The following TMED8 variants were observed in gnomAD, a reference collection of about 807,000 sequenced individuals.
The protein encoded by TMED8 is transmembrane p24 trafficking protein family member 8.
Under a neutral mutation model 32.7 loss-of-function variants are expected in TMED8, and 15 were observed. The ratio of observed to expected loss-of-function variants is 0.46; its 90% CI spans 0.31 to 0.71. The LOEUF (loss-of-function observed/expected upper bound fraction) is 0.71, where lower values mean the gene tolerates loss of function less well. Among genes scored for constraint, TMED8 ranks in the 30% least tolerant of loss-of-function variants. The pLI is 0.06. For synonymous variants in TMED8, 147 were observed against 161.4 expected (o/e 0.91, Z 0.68); for missense variants, 390 against 423.9 (o/e 0.92, Z 0.70).
At chr14:77,373,880 G>A (rs527980467) in intron 1 of TMED8, among the ~76,000 whole-genome samples, 47 of 152,228 alleles carry the variant, frequency 3.1e-4, no homozygotes, top group Non-Finnish European at 5.0e-4. Context: ...TTGTTTAAAA[G>A]AGTCTGGGAC....
At chr14:77,373,040 A>G (rs1400944661) in intron 1 of TMED8, among the ~76,000 whole-genome samples, 1 of 130,912 alleles carries the variant, frequency 7.6e-6, no homozygotes, top group Non-Finnish European at 1.5e-5. Context: ...ATCTCGGCTC[A>G]CTGCAACCTC....
At chr14:77,343,548 C>G in intron 4 of TMED8, 65 bp from the exon 5 acceptor site, 1 of 1,587,414 alleles carries the variant, frequency 6.3e-7, no homozygotes, top group Non-Finnish European at 8.6e-7. Context: ...GGGCATTTTG[C>G]TAAGAGAGGC....
intron 1 of TMED8, among the ~76,000 whole-genome samples, chr14:77,363,666 CATA>C (rs1893488794): frequency 6.6e-6 from 1 of 151,820 alleles, no homozygotes; most frequent in African/African-American, 2.4e-5. Context: ...AAATAATAAT[CATA>C]ATAATAGTAT....
chr14:77,346,231 G>A lies in TMED8; in HGVS notation c.327+118C>T, dbSNP rs567263716. The A allele has an allele frequency of 1.9e-5, 20 of 1,053,770 alleles. No individual in the cohort carries two copies. The East Asian group carries it at 3.1e-4, about 16-fold the overall frequency. The allele number at this position is 1,053,770 out of a possible 1,614,324, so 65.3% of individuals were successfully genotyped here. On this transcript the variant is annotated intron_variant, in intron 3 of 5. Transcript: ENST00000216468. Reference sequence around the variant, plus strand: ...GAAGACCAAGATGCCCTAAATTAGAGGGCAAAGAGAGAATTCCGGGAGCCA... The same window carrying A: ...GAAGACCAAGATGCCCTAAATTAGAAGGCAAAGAGAGAATTCCGGGAGCCA...
At chr14:77,373,691 C>T (rs1404620211) in intron 1 of TMED8, among the ~76,000 whole-genome samples, 2 of 152,186 alleles carry the variant, frequency 1.3e-5, no homozygotes, top group East Asian at 3.9e-4. Flanking sequence ...TCAACAATAC[C>T]TGATATGGCT....
Position 77,340,783 on chromosome 14 carries a change from T to G in TMED8, c.*988A>C, listed in dbSNP as rs1178104778. On this transcript the variant is annotated 3_prime_UTR_variant, in exon 6 of 6. Coordinates refer to ENST00000216468, the MANE Select transcript of TMED8 (RefSeq NM_213601.3). Reference sequence around the variant, plus strand: ...GCTAAATGCAGAAACTTTGGAAACCTGATTGGGTTTCACTGCATTTGATTC... The same window carrying G: ...GCTAAATGCAGAAACTTTGGAAACCGGATTGGGTTTCACTGCATTTGATTC... 6.6e-6 allele frequency: 1 copy of G among 152,194 alleles called. No homozygotes were observed. The highest frequency in any genetic ancestry group is 1.5e-5 in the Non-Finnish European group (1 of 68,028). The allele number at this position is 152,194 out of a possible 1,614,324, so 9.4% of individuals were successfully genotyped here.
chr14:77,347,271 C>G (rs1197872080), intron 2 of TMED8, among the ~76,000 whole-genome samples: 2 of 152,302 alleles, frequency 1.3e-5, no homozygotes, highest in Admixed American at 1.3e-4. Flanking sequence ...AGACTGGGCA[C>G]CAAAACAAAG....
At chr14:77,344,432 C>T (rs1356102075) in intron 3 of TMED8, among the ~76,000 whole-genome samples, 1 of 152,192 alleles carries the variant, frequency 6.6e-6, no homozygotes. Context: ...TACAATTTCA[C>T]CTTAGACCAG....
chr14:77,342,435 A>ATCTTCACCTGGC (rs111887240), intron 5 of TMED8, among the ~76,000 whole-genome samples: 1 of 151,770 alleles, frequency 6.6e-6, no homozygotes, highest in Non-Finnish European at 1.5e-5. Context: ...TGACCCTAGG[A>ATCTTCACCTGGC]TTCCTGAAAA....
At chr14:77,370,691 G>A (rs1270698893) in intron 1 of TMED8, among the ~76,000 whole-genome samples, 3 of 151,756 alleles carry the variant, frequency 2.0e-5, no homozygotes, top group African/African-American at 7.3e-5. Flanking sequence ...AGCAATCAAT[G>A]TTATTTGGTT....
intron 1 of TMED8, among the ~76,000 whole-genome samples, chr14:77,374,536 C>T (rs1222458976): frequency 6.6e-6 from 1 of 152,224 alleles, no homozygotes; most frequent in Non-Finnish European, 1.5e-5. Context: ...CCTGGGGATA[C>T]AAAATCGTAC....
intron 1 of TMED8, among the ~76,000 whole-genome samples, chr14:77,357,724 G>C (rs187821431): frequency 4.6e-5 from 7 of 152,280 alleles, no homozygotes; most frequent in African/African-American, 1.7e-4. Flanking sequence ...TGACACCACT[G>C]GTCTTGCTTA....
chr14:77,349,379 A>G (rs1893128394), intron 2 of TMED8, among the ~76,000 whole-genome samples: 1 of 151,768 alleles, frequency 6.6e-6, no homozygotes. Flanking sequence ...CTGCCTCCCA[A>G]AGTGCTGGGA....
intron 1 of TMED8, among the ~76,000 whole-genome samples, chr14:77,367,762 C>G (rs6574369): frequency 0.096 from 14,530 of 151,668 alleles, 1,197 homozygotes; most frequent in African/African-American, 0.22. Context: ...GGTGCAATCT[C>G]GGCTCACTGC....
intron 3 of TMED8, among the ~76,000 whole-genome samples, chr14:77,344,995 C>T (rs564495533): frequency 1.3e-5 from 2 of 152,154 alleles, no homozygotes; most frequent in Non-Finnish European, 2.9e-5. Context: ...TTCTTTCTTT[C>T]ATTCCTTTTG....
intron 2 of TMED8, among the ~76,000 whole-genome samples, chr14:77,348,011 A>G (rs2139609462): frequency 6.6e-6 from 1 of 152,268 alleles, no homozygotes; most frequent in South Asian, 2.1e-4. Flanking sequence ...ACTATATGAC[A>G]TGTGATACCG....
intron 1 of TMED8, among the ~76,000 whole-genome samples, chr14:77,369,297 T>C (rs1893625041): frequency 6.6e-6 from 1 of 152,262 alleles, no homozygotes; most frequent in Admixed American, 6.5e-5. Context: ...GGAACAAATC[T>C]TTCCCTGTTG....
At chr14:77,353,096 A>C (rs1372406337) in intron 1 of TMED8, among the ~76,000 whole-genome samples, 1 of 152,214 alleles carries the variant, frequency 6.6e-6, no homozygotes, top group Non-Finnish European at 1.5e-5. Flanking sequence ...AACTTAAGGC[A>C]TAGAGACAGG....
intron 1 of TMED8, among the ~76,000 whole-genome samples, chr14:77,358,590 C>T (rs1277079354): frequency 6.6e-6 from 1 of 152,188 alleles, no homozygotes; most frequent in African/African-American, 2.4e-5. Flanking sequence ...AGCCACCACG[C>T]CTAGCCCAGA....
Sources: allele counts gnomAD v4.1 joint callset (sites outside exome capture counted in the v4.1 genomes callset), GRCh38; gene constraint gnomAD v4.1.1; transcripts MANE v1.5; gene names NCBI Gene and HGNC (gene_info 2026-07-23, HGNC 2026-07-21).